The following MYOT variants were observed in gnomAD, a reference collection of about 807,000 sequenced individuals.
The protein encoded by MYOT is myotilin.
In MYOT, 36 loss-of-function variants were observed where a neutral mutation model predicts 58.0. The observed-to-expected ratio is 0.62, with a 90% confidence interval of 0.48 to 0.82. MYOT has a LOEUF of 0.82. Among genes scored for constraint, MYOT ranks in the 40% least tolerant of loss-of-function variants. The pLI is 0.00. For missense variants in MYOT, 505 were observed against 592.1 expected (o/e 0.85, Z 1.53); for synonymous variants, 218 against 204.6 (o/e 1.07, Z -0.56).
intron 2 of MYOT, among the ~76,000 whole-genome samples, chr5:137,874,095 G>A (rs1265286114): frequency 6.6e-6 from 1 of 152,148 alleles, no homozygotes; most frequent in Non-Finnish European, 1.5e-5. Context: ...GATAGCCAGA[G>A]AACATTTATT....
chr5:137,878,214 A>AT (rs889419278), intron 4 of MYOT, among the ~76,000 whole-genome samples: 7,910 of 133,958 alleles, frequency 0.059, 478 homozygotes, highest in African/African-American at 0.15. Context: ...CACCTGATCG[A>AT]TTTTTTTTTT....
At chr5:137,885,228 G>A (rs1001063709) in intron 7 of MYOT, among the ~76,000 whole-genome samples, 2 of 152,062 alleles carry the variant, frequency 1.3e-5, no homozygotes, top group Non-Finnish European at 2.9e-5. Context: ...TTCCTTCAGA[G>A]TTTACAAAGT....
rs761712531 is a variant in MYOT, at chr5:137,886,909, T to C, written c.1236T>C (p.Asp412=). Residue 412 remains aspartate (D), a synonymous_variant, in exon 9 of 10, where the codon GAT becomes GAC. Coordinates refer to ENST00000239926, the MANE Select transcript of MYOT (RefSeq NM_006790.3). ...GAAGAGTTACTTTACTGATAAAAGATGTAAACAAGAAAGATGCTGGGTGGT... is the reference window on the plus strand; with the variant it reads ...GAAGAGTTACTTTACTGATAAAAGACGTAAACAAGAAAGATGCTGGGTGGT... ...NTGRVTLLIK[D]VNKKDAGWYT... 2.5e-6 allele frequency: 4 copies of C among 1,596,122 alleles called. No individual in the cohort carries two copies. The highest frequency in any genetic ancestry group is 3.4e-6 in the Non-Finnish European group (4 of 1,163,636).
chr5:137,869,387 A>G (rs911788313), intron 1 of MYOT, among the ~76,000 whole-genome samples: 1 of 152,352 alleles, frequency 6.6e-6, no homozygotes, highest in East Asian at 1.9e-4. Context: ...TAGGTTTACC[A>G]TACTAATGGA....
At chr5:137,878,738 G>A (rs1474402274) in intron 4 of MYOT, among the ~76,000 whole-genome samples, 4 of 152,048 alleles carry the variant, frequency 2.6e-5, no homozygotes, top group Non-Finnish European at 2.9e-5. Flanking sequence ...CAGAAGAATC[G>A]CTTGAACCCG....
At chr5:137,882,383 T>C (rs983798076) in intron 6 of MYOT, among the ~76,000 whole-genome samples, 2 of 152,096 alleles carry the variant, frequency 1.3e-5, no homozygotes, top group Non-Finnish European at 2.9e-5. Flanking sequence ...ATTGAGTGGA[T>C]AGGTATACCT....
rs1755059951 is a variant in MYOT, at chr5:137,871,798, T to C, written c.356+791T>C. On this transcript the variant is annotated intron_variant, in intron 2 of 9. Coordinates refer to ENST00000239926, the MANE Select transcript of MYOT (RefSeq NM_006790.3). Reference sequence around the variant, plus strand: ...TGGTGGTTATGCTTTTTTTAAAACATGAACTGAATACCTTGTGCTTATGCA... The same window carrying C: ...TGGTGGTTATGCTTTTTTTAAAACACGAACTGAATACCTTGTGCTTATGCA... Among the ~76,000 whole-genome samples, 4 of 152,212 alleles carry C rather than the reference T, an allele frequency of 2.6e-5. No homozygotes were observed. The South Asian group carries it at 8.3e-4, about 32-fold the overall frequency.
chr5:137,883,656 T>C, intron 7 of MYOT, 65 bp downstream of exon 7: 1 of 1,465,540 alleles, frequency 6.8e-7, no homozygotes, highest in Non-Finnish European at 9.5e-7. Context: ...AAAGAAAGTA[T>C]TTTAAAAGAA....
At chr5:137,880,760 G>A in intron 4 of MYOT, 56 bp from the exon 5 acceptor site, 1 of 1,367,046 alleles carries the variant, frequency 7.3e-7, no homozygotes, top group Non-Finnish European at 1.0e-6. Context: ...ACTTAATTCT[G>A]CTTCATTCAA....
chr5:137,870,584 G>A lies in MYOT; in HGVS notation c.-68G>A. ...CCAGGCTTGTGGCCCCAAATTCAGG[G>A]CCCCACCCTTCCAGGAACAAATCAT... On this transcript the variant is annotated 5_prime_UTR_variant, in exon 2 of 10. Transcript: ENST00000239926. The A allele has an allele frequency of 7.0e-7, 1 of 1,433,176 alleles. No individual in the cohort carries two copies. The allele number at this position is 1,433,176 out of a possible 1,614,324, so 88.8% of individuals were successfully genotyped here.
At chr5:137,882,379 T>C (rs932985766) in intron 6 of MYOT, among the ~76,000 whole-genome samples, 1 of 152,046 alleles carries the variant, frequency 6.6e-6, no homozygotes, top group African/African-American at 2.4e-5. Context: ...ATTAATTGAG[T>C]GGATAGGTAT....
rs886043262 is a variant in MYOT, at chr5:137,887,299, T to C, written c.1411T>C (p.Leu471=). 5 of 1,613,986 alleles carry C rather than the reference T, an allele frequency of 3.1e-6. No individual in the cohort carries two copies. The highest frequency in any genetic ancestry group is 4.2e-6 in the Non-Finnish European group (5 of 1,179,992). Residue 471 remains leucine (L), a synonymous_variant, in exon 10 of 10, where the codon TTG becomes CTG. Coordinates refer to ENST00000239926, the MANE Select transcript of MYOT (RefSeq NM_006790.3). ...ATATTTAGCACTTAATGGGAAAGGT[T>C]TGAATGTAAAACAAGCTTTTAACCC... The part of the protein sequence containing the change: ...SKYLALNGKG[L]NVKQAFNPEG...
At chr5:137,875,054 T>C (rs886074760) in intron 2 of MYOT, among the ~76,000 whole-genome samples, 1 of 152,202 alleles carries the variant, frequency 6.6e-6, no homozygotes, top group Non-Finnish European at 1.5e-5. Flanking sequence ...CATGAAATCA[T>C]AGGAAGCTGG....
At chr5:137,869,367 T>C (rs577247391) in intron 1 of MYOT, among the ~76,000 whole-genome samples, 46 of 152,298 alleles carry the variant, frequency 3.0e-4, no homozygotes, top group African/African-American at 9.4e-4. Flanking sequence ...TGTCTATATA[T>C]AGTCCCGCTT....
In MYOT at chr5:137,870,288, GACACACACACACACACACAC is replaced by G. The variant is rs35301804; in HGVS notation, c.-211-133_-211-114del. On this transcript the variant is annotated intron_variant, in intron 1 of 9. Coordinates refer to ENST00000239926, the MANE Select transcript of MYOT (RefSeq NM_006790.3). ...TATGTTCGCCTGGGCGATTAAGCAAGACACACACACACACACACACACACACACACACACACACAAAAGGA... is the reference window on the plus strand; with the variant it reads ...TATGTTCGCCTGGGCGATTAAGCAAGACACACACACACACACACAAAAGGA... 4.7e-5 allele frequency among the ~76,000 whole-genome samples: 6 copies of G among 127,084 alleles called. No individual in the cohort carries two copies. In the East Asian group the frequency reaches 1.4e-3, roughly 29 times the overall value. The allele number at this position is 127,084 out of a possible 152,430, so 83.4% of individuals were successfully genotyped here.
chr5:137,868,177 T>C (rs1317874719), intron 1 of MYOT, among the ~76,000 whole-genome samples: 1 of 152,218 alleles, frequency 6.6e-6, no homozygotes, highest in East Asian at 1.9e-4. Context: ...TGTCATTATT[T>C]TTAAATCACC....
intron 4 of MYOT, 127 bp downstream of exon 4, chr5:137,877,748 A>C: frequency 1.4e-6 from 1 of 715,514 alleles, no homozygotes; most frequent in Non-Finnish European, 2.5e-6. Context: ...TGGATACATA[A>C]AGAGGCCATG....
At chr5:137,878,362 C>T (rs1279401525) in intron 4 of MYOT, among the ~76,000 whole-genome samples, 3 of 151,988 alleles carry the variant, frequency 2.0e-5, no homozygotes, top group East Asian at 2.0e-4. Context: ...GGATTACAGG[C>T]GCACACCATC....
At position 137,868,545 on chromosome 5, in the gene MYOT, CT is replaced by C. The variant is rs973625381; in HGVS notation, c.-212+596del. ...ATGAAATAACATATTTTTAATTGGG[CT>C]TTTAAAAATATCACTAATTATTAAC... On this transcript the variant is annotated intron_variant, in intron 1 of 9. Transcript: ENST00000239926. 2.5e-4 allele frequency among the ~76,000 whole-genome samples: 38 copies of C among 152,062 alleles called. 1 individual carries two copies. The highest frequency in any genetic ancestry group is 8.5e-4 in the African/African-American group (35 of 41,414).
Sources: gnomAD v4.1 joint callset for allele counts (sites outside exome capture counted in the v4.1 genomes callset) on GRCh38, gnomAD v4.1.1 for gene constraint, MANE v1.5 for transcripts, NCBI Gene and HGNC (gene_info 2026-07-23, HGNC 2026-07-21) for gene names.